Variants in PDE2A observed in about 807,000 individuals in gnomAD.
PDE2A encodes the protein phosphodiesterase 2A.
A neutral mutation model predicts 133.6 loss-of-function variants in PDE2A; 53 were observed. The ratio of observed to expected loss-of-function variants is 0.40; its 90% CI spans 0.32 to 0.50. The LOEUF is 0.50. Among genes scored for constraint, PDE2A ranks in the 20% least tolerant of loss-of-function variants. The pLI, the probability that PDE2A is intolerant of heterozygous loss-of-function variation, is 0.73. For missense variants in PDE2A, 796 were observed against 1,232.4 expected (o/e 0.65, Z 5.30); for synonymous variants, 491 against 490.2 (o/e 1.00, Z -0.02).
At position 72,581,817 on chromosome 11, in the gene PDE2A, G is replaced by A. The variant is rs902944160; in HGVS notation, c.1922+60C>T. 1.7e-5 allele frequency: 25 copies of A among 1,474,584 alleles called. No individual in the cohort carries two copies. The Admixed American group carries it at 3.5e-4, about 21-fold the overall frequency. 91.3% of individuals were successfully genotyped at this position (1,474,584 alleles called of 1,614,324 possible). ...TCCTCTCCAGAATGCCGGGGGCAAC[G>A]GATGTGACAGTAGAGGAAAGAGGGA... On this transcript the variant is annotated intron_variant, in intron 22 of 30. Coordinates refer to ENST00000334456, the MANE Select transcript of PDE2A (RefSeq NM_002599.5).
In PDE2A at chr11:72,578,900, G is replaced by A. The variant is rs546419931; in HGVS notation, c.2466C>T (p.Ile822=). 14 of 1,604,658 alleles carry A rather than the reference G, an allele frequency of 8.7e-6. No individual in the cohort carries two copies. In the South Asian group the frequency reaches 1.2e-4, roughly 14 times the overall value. ...TCCCAGGGAGGACTACACCTACCGC[G>A]ATCTTTCTCGTAGTCTTCCAGCCCT... ...QTKGWKTTRK[I]AELIYKEFFS... is the part of the protein sequence containing the mutation. Residue 822 remains isoleucine (I), a synonymous_variant, in exon 28 of 31, where the codon ATC becomes ATT. Transcript: ENST00000334456. The surrounding 1 kb of genome is among the most constrained non-coding windows in gnomAD (Gnocchi z 4.2).
At chr11:72,619,353 T>C (rs1253096639) in intron 2 of PDE2A, among the ~76,000 whole-genome samples, 1 of 152,224 alleles carries the variant, frequency 6.6e-6, no homozygotes, top group African/African-American at 2.4e-5. Context: ...CCTAAGCATG[T>C]GTGCAGCCTG....
chr11:72,580,993 G>C lies in PDE2A; in HGVS notation c.2046-20C>G. Reference sequence around the variant, plus strand: ...ATGTCCCTGGTTGAGAGGCAGAAAGGAGAAAAAAAAGAGGTCAGCCCACAG... The same window carrying C: ...ATGTCCCTGGTTGAGAGGCAGAAAGCAGAAAAAAAAGAGGTCAGCCCACAG... On this transcript the variant is annotated intron_variant, in intron 23 of 30. Transcript: ENST00000334456. 6.4e-7 allele frequency: 1 copy of C among 1,568,692 alleles called. No homozygotes were observed. The highest frequency in any genetic ancestry group is 8.8e-7 in the Non-Finnish European group (1 of 1,139,050).
intron 2 of PDE2A, among the ~76,000 whole-genome samples, chr11:72,641,065 A>C (rs1858931117): frequency 6.6e-6 from 1 of 152,154 alleles, no homozygotes; most frequent in Admixed American, 6.5e-5. Context: ...ACACTCACAC[A>C]AACACATACA....
chr11:72,589,983 TGA>T lies in PDE2A; in HGVS notation c.757-4_757-3del. ...GGATGCCCGGGTCTCCTGCTGCAGC[TGA>T]GAGAGGGACAGGCAGGGCGAGGGGG... On this transcript the variant is annotated splice_polypyrimidine_tract_variant and splice_region_variant and intron_variant, in intron 9 of 30. Transcript: ENST00000334456. 1 of 1,610,992 alleles carries T rather than the reference TGA, an allele frequency of 6.2e-7. No individual in the cohort carries two copies. The highest frequency in any genetic ancestry group is 8.5e-7 in the Non-Finnish European group (1 of 1,178,892).
At chr11:72,647,352 C>A (rs1262974573) in intron 1 of PDE2A, among the ~76,000 whole-genome samples, 2 of 152,234 alleles carry the variant, frequency 1.3e-5, no homozygotes, top group Non-Finnish European at 2.9e-5. Context: ...CCTCCCTGGT[C>A]TCAGACTTCT....
chr11:72,622,594 C>T lies in PDE2A; in HGVS notation c.145-13843G>A, dbSNP rs1857832328. On this transcript the variant is annotated intron_variant, in intron 2 of 30. Transcript: ENST00000334456. ...GCTAAGTAAACTTAAAAACCAGTCA[C>T]AAAAAGACAGATACTACATTATTCC... Among the ~76,000 whole-genome samples the T allele has an allele frequency of 2.0e-5, 3 of 152,160 alleles. No individual in the cohort carries two copies. In the South Asian group the frequency reaches 6.2e-4, roughly 32 times the overall value.
chr11:72,595,775 G>C (rs1275775967), intron 6 of PDE2A, among the ~76,000 whole-genome samples: 2 of 152,142 alleles, frequency 1.3e-5, no homozygotes, highest in African/African-American at 4.8e-5. Context: ...TACTAGGATA[G>C]AACGAGTTTG....
chr11:72,619,725 G>A (rs1314592158), intron 2 of PDE2A, among the ~76,000 whole-genome samples: 4 of 152,132 alleles, frequency 2.6e-5, no homozygotes, highest in Non-Finnish European at 5.9e-5. Flanking sequence ...GGCTGAGAGT[G>A]GTGGAATCTG....
At position 72,579,626 on chromosome 11, in the gene PDE2A, A is replaced by T. The variant is rs374641595; in HGVS notation, c.2182-18T>A. The T allele has an allele frequency of 2.5e-6, 4 of 1,587,414 alleles. No homozygotes were observed. The African/African-American group carries it at 5.4e-5, about 21-fold the overall frequency. On this transcript the variant is annotated intron_variant, in intron 25 of 30. Transcript: ENST00000334456. ...TGGTGCCTCTGGGGGGAGAGGAGTGATGGGGGCCCAGCTGGGGCAGATGGG... is the reference window on the plus strand; with the variant it reads ...TGGTGCCTCTGGGGGGAGAGGAGTGTTGGGGGCCCAGCTGGGGCAGATGGG...
chr11:72,579,731 G>A (rs1340716841), intron 25 of PDE2A, 123 bp from the exon 26 acceptor site: 1 of 662,018 alleles, frequency 1.5e-6, no homozygotes, highest in East Asian at 2.6e-5. Context: ...CAGTCAGAAA[G>A]GGGGAGTCAG....
At chr11:72,617,814 T>G (rs1857548441) in intron 2 of PDE2A, among the ~76,000 whole-genome samples, 1 of 152,134 alleles carries the variant, frequency 6.6e-6, no homozygotes, top group Admixed American at 6.5e-5. Context: ...TCCACCCTCT[T>G]CCTCTGCACT....
At chr11:72,622,990 C>T (rs1165189235) in intron 2 of PDE2A, among the ~76,000 whole-genome samples, 4 of 152,108 alleles carry the variant, frequency 2.6e-5, no homozygotes, top group African/African-American at 9.7e-5. Context: ...TTCTTATATG[C>T]TTCTCTCTGG....
At chr11:72,646,922 A>ATCTT (rs1423572373) in intron 1 of PDE2A, among the ~76,000 whole-genome samples, 3 of 152,208 alleles carry the variant, frequency 2.0e-5, no homozygotes, top group Non-Finnish European at 4.4e-5. Context: ...TGAAAGTTAG[A>ATCTT]TCTTTCAAGA....
intron 2 of PDE2A, among the ~76,000 whole-genome samples, chr11:72,631,344 C>A (rs1375076546): frequency 6.6e-6 from 1 of 152,164 alleles, no homozygotes; most frequent in Admixed American, 6.5e-5. Flanking sequence ...ATTCTCTGTT[C>A]CTTGACTCTG....
chr11:72,607,588 A>G (rs1857028724), intron 3 of PDE2A, among the ~76,000 whole-genome samples: 1 of 152,110 alleles, frequency 6.6e-6, no homozygotes, highest in African/African-American at 2.4e-5. Flanking sequence ...GGCAGAGCTG[A>G]GGAGAGGGAA....
At chr11:72,664,442 C>G (rs186718086) in intron 1 of PDE2A, among the ~76,000 whole-genome samples, 31 of 133,594 alleles carry the variant, frequency 2.3e-4, no homozygotes, top group Non-Finnish European at 4.2e-4. Context: ...GGCACAATCT[C>G]GGCTCACTGC....
At chr11:72,591,226 G>T in intron 7 of PDE2A, 71 bp downstream of exon 7, 3 of 1,310,702 alleles carry the variant, frequency 2.3e-6, no homozygotes, top group Non-Finnish European at 2.2e-6. Context: ...CAGCTCCCTG[G>T]CCAGGCCATC....
At chr11:72,668,623 T>G (rs562113602) in intron 1 of PDE2A, among the ~76,000 whole-genome samples, 1 of 152,322 alleles carries the variant, frequency 6.6e-6, no homozygotes, top group South Asian at 2.1e-4. Context: ...TGGATTTGGA[T>G]CAAAAGAGGC....
Sources: allele counts gnomAD v4.1 joint callset (sites outside exome capture counted in the v4.1 genomes callset), GRCh38; gene constraint gnomAD v4.1.1; non-coding constraint Gnocchi (gnomAD v3.1); transcripts MANE v1.5; gene names NCBI Gene and HGNC (gene_info 2026-07-23, HGNC 2026-07-21).